Variants in C20orf141 observed in about 807,000 individuals in gnomAD.
C20orf141 encodes uncharacterized protein C20orf141.
C20orf141 carries 8 observed loss-of-function variants against 7.8 expected under a neutral mutation model. The observed-to-expected ratio is 1.03, with a 90% CI of 0.60 to 1.85. The LOEUF (loss-of-function observed/expected upper bound fraction) is 1.85. Among genes scored for constraint, C20orf141 ranks in the 40% most tolerant of loss-of-function variants. The probability of loss-of-function intolerance (pLI) is 0.00; values close to 1 mark genes in which losing one functional copy is unlikely to be tolerated. For missense variants in C20orf141, 220 were observed against 203.1 expected, an observed-to-expected ratio of 1.08 and a Z score of -0.51; for synonymous variants, 101 against 90.8, an observed-to-expected ratio of 1.11 and a Z score of -0.64.
chr20:2,815,482 C>A, intron 2 of C20orf141, 38 bp downstream of exon 2: 1 of 1,564,110 alleles, frequency 6.4e-7, no homozygotes, highest in Non-Finnish European at 8.7e-7. Context: ...GCATTGTAGG[C>A]GGGCGGGCCA....
rs547675503 is a variant in C20orf141 at position 2,815,650 on chromosome 20, T to G, written c.373T>G (p.Ser125Ala). Residue 125 changes from serine to alanine, a missense_variant, in exon 3 of 3, where the codon TCA becomes GCA. By Grantham distance (99) the Ser-to-Ala change is moderately conservative (BLOSUM62 1). Coordinates refer to ENST00000603872, the MANE Select transcript of C20orf141 (RefSeq NM_001256538.2). Reference sequence around the variant, plus strand: ...TCTACTCCTGCAAATGGGTACAGTCTCAGGACAACTTAGCCTCCAGGACGC... The same window carrying G: ...TCTACTCCTGCAAATGGGTACAGTCGCAGGACAACTTAGCCTCCAGGACGC... ...EALLLQMGTV[S>A]GQLSLQDALL... 3 of 1,614,068 alleles carry G rather than the reference T, an allele frequency of 1.9e-6. No homozygotes were observed. The South Asian group carries it at 3.3e-5, about 18-fold the overall frequency.
Position 2,815,779 on chromosome 20 carries a change from C to T in C20orf141, c.*4C>T. ...CTGCCTCCATCCTTGGGCCTGAGAG[C>T]CCCTCCCCACAACTCAGTGTCCTTC... On this transcript the variant is annotated 3_prime_UTR_variant, in exon 3 of 3. Transcript: ENST00000603872. 6.2e-7 allele frequency: 1 copy of T among 1,604,314 alleles called. No individual in the cohort carries two copies. Among genetic ancestry groups the T allele is most frequent in the Non-Finnish European group, 8.5e-7 (1 of 1,175,944 alleles).
In C20orf141 at chr20:2,815,442, T is replaced by C. The variant is rs1451327751; in HGVS notation, c.258T>C (p.His86=). The change falls in exon 2 of 3, where the codon CAT becomes CAC. Residue 86 remains histidine, a splice_region_variant and synonymous_variant. Transcript: ENST00000603872. ...GCTTCCTCACCTTTGACCTGCTCCA[T>C]AGGTAAGTGGGCAGCAGCCTGGCAG... ...LVSFLTFDLL[H]RPAGHTLPQR... is the part of the protein sequence containing the mutation. 4 of 1,563,196 alleles carry C rather than the reference T, an allele frequency of 2.6e-6. No individual in the cohort carries two copies. Among genetic ancestry groups the C allele is most frequent in the South Asian group, 1.2e-5 (1 of 82,334 alleles).
intron 1 of C20orf141, 46 bp downstream of exon 1, chr20:2,815,063 C>T (rs992311552): frequency 2.4e-6 from 3 of 1,264,608 alleles, no homozygotes; most frequent in African/African-American, 1.5e-5. Flanking sequence ...GGAGACTCTG[C>T]AGGAGCCTAA....
intron 1 of C20orf141, 38 bp from the exon 2 acceptor site, chr20:2,815,114 A>C: frequency 1.3e-6 from 2 of 1,570,406 alleles, no homozygotes; most frequent in Non-Finnish European, 1.7e-6. Context: ...CCCGGGCCCT[A>C]CCCCTTCCCC....
chr20:2,815,107 G>C, intron 1 of C20orf141, 45 bp from the exon 2 acceptor site: 1 of 1,554,872 alleles, frequency 6.4e-7, no homozygotes, highest in Non-Finnish European at 8.8e-7. Context: ...CTGTCTGCCC[G>C]GGCCCTACCC....
Position 2,814,991 on chromosome 20 carries a change from C to T in C20orf141, c.-60C>T. ...GTCACAATGCCCCGGGTGCCCACTC[C>T]CAGAATGCTGACCAAAGTGGGAGGA... On this transcript the variant is annotated 5_prime_UTR_variant, in exon 1 of 3. Transcript: ENST00000603872. 1 of 676,314 alleles carries T rather than the reference C, an allele frequency of 1.5e-6. No homozygotes were observed. 41.9% of individuals were successfully genotyped at this position (676,314 alleles called of 1,614,324 possible). A position where few individuals can be genotyped will look rare whatever the true frequency, so the allele number is the denominator to read the frequency against.
chr20:2,815,827 T>C lies in C20orf141; in HGVS notation c.*52T>C. 6.8e-7 allele frequency: 1 copy of C among 1,468,372 alleles called. No homozygotes were observed. The highest frequency in any genetic ancestry group is 9.3e-7 in the Non-Finnish European group (1 of 1,072,502). The allele number at this position is 1,468,372 out of a possible 1,614,324, so 91.0% of individuals were successfully genotyped here. On this transcript the variant is annotated 3_prime_UTR_variant, in exon 3 of 3. Coordinates refer to ENST00000603872, the MANE Select transcript of C20orf141 (RefSeq NM_001256538.2). ...TTCAAATATACAATGACCACCCTTC[T>C]TCATCAGGCCCCCTTTTCTCCTTCC...
intron 2 of C20orf141, 37 bp downstream of exon 2, chr20:2,815,481 G>A: frequency 6.4e-7 from 1 of 1,563,628 alleles, no homozygotes; most frequent in Non-Finnish European, 8.7e-7. Flanking sequence ...GGCATTGTAG[G>A]CGGGCGGGCC....
intron 1 of C20orf141, 67 bp downstream of exon 1, chr20:2,815,084 T>C: frequency 6.9e-7 from 1 of 1,452,530 alleles, no homozygotes; most frequent in Non-Finnish European, 9.5e-7. Context: ...TTCCCCACTC[T>C]GAGCTCACCC....
intron 1 of C20orf141, 63 bp from the exon 2 acceptor site, chr20:2,815,089 T>C: frequency 6.8e-7 from 1 of 1,478,472 alleles, no homozygotes; most frequent in East Asian, 2.3e-5. Flanking sequence ...CACTCTGAGC[T>C]CACCCTTCTG....
chr20:2,815,079 C>T (rs1051744777), intron 1 of C20orf141, 62 bp downstream of exon 1: 1 of 1,401,450 alleles, frequency 7.1e-7, no homozygotes, highest in Non-Finnish European at 9.8e-7. Context: ...CCTAATTCCC[C>T]ACTCTGAGCT....
At chr20:2,815,483 G>T (rs374559201) in intron 2 of C20orf141, 39 bp downstream of exon 2, 2 of 1,565,814 alleles carry the variant, frequency 1.3e-6, no homozygotes, top group East Asian at 4.5e-5. Context: ...CATTGTAGGC[G>T]GGCGGGCCAG....
intron 2 of C20orf141, 41 bp downstream of exon 2, chr20:2,815,485 G>A: frequency 6.4e-7 from 1 of 1,566,714 alleles, no homozygotes; most frequent in Non-Finnish European, 8.7e-7. Flanking sequence ...TTGTAGGCGG[G>A]CGGGCCAGTG....
At position 2,815,785 on chromosome 20, in the gene C20orf141, C is replaced by T; in HGVS notation, c.*10C>T. 2 of 1,600,380 alleles carry T rather than the reference C, an allele frequency of 1.2e-6. No homozygotes were observed. Among genetic ancestry groups the T allele is most frequent in the Non-Finnish European group, 1.7e-6 (2 of 1,173,086 alleles). ...CCATCCTTGGGCCTGAGAGCCCCTC[C>T]CCACAACTCAGTGTCCTTCAAATAT... On this transcript the variant is annotated 3_prime_UTR_variant, in exon 3 of 3. Transcript: ENST00000603872.
In C20orf141 at chr20:2,815,676, ACTG is replaced by A. The variant is rs1212376098; in HGVS notation, c.411_413del (p.Leu138del). 1 of 1,613,982 alleles carries A rather than the reference ACTG, an allele frequency of 6.2e-7. No individual in the cohort carries two copies. Among genetic ancestry groups the A allele is most frequent in the Non-Finnish European group, 8.5e-7 (1 of 1,179,968 alleles). On this transcript the variant is annotated inframe_deletion, in exon 3 of 3. Coordinates refer to ENST00000603872, the MANE Select transcript of C20orf141 (RefSeq NM_001256538.2). ...CAGGACAACTTAGCCTCCAGGACGC[ACTG>A]CTGCTGCTGCTCATGGGGCTGGGCC... is the stretch of plus-strand genomic sequence containing the variant.
Position 2,815,524 on chromosome 20 carries a change from C to CTA in C20orf141, c.261-13_261-12insAT, listed in dbSNP as rs1032909817. 12 of 1,599,276 alleles carry CTA rather than the reference C, an allele frequency of 7.5e-6. No individual in the cohort carries two copies. Among genetic ancestry groups the CTA allele is most frequent in the Non-Finnish European group, 9.4e-6 (11 of 1,171,116 alleles). Reference sequence around the variant, plus strand: ...AACTTCCCTAAGCCCAGTCACCACCCTCTCTCTCCACAGGCCCGCAGGTCA... The same window carrying CTA: ...AACTTCCCTAAGCCCAGTCACCACCCTATCTCTCTCCACAGGCCCGCAGGTCA... On this transcript the variant is annotated splice_polypyrimidine_tract_variant and intron_variant, in intron 2 of 2. Coordinates refer to ENST00000603872, the MANE Select transcript of C20orf141 (RefSeq NM_001256538.2).
At position 2,815,789 on chromosome 20, in the gene C20orf141, C is replaced by A; in HGVS notation, c.*14C>A. The A allele has an allele frequency of 6.3e-7, 1 of 1,595,782 alleles. No individual in the cohort carries two copies. Among genetic ancestry groups the A allele is most frequent in the Non-Finnish European group, 8.5e-7 (1 of 1,169,662 alleles). On this transcript the variant is annotated 3_prime_UTR_variant, in exon 3 of 3. Transcript: ENST00000603872. ...CCTTGGGCCTGAGAGCCCCTCCCCA[C>A]AACTCAGTGTCCTTCAAATATACAA...
At position 2,815,761 on chromosome 20, in the gene C20orf141, C is replaced by T. The variant is rs143521978; in HGVS notation, c.484C>T (p.His162Tyr). 1.8e-4 allele frequency: 289 copies of T among 1,611,212 alleles called. No individual in the cohort carries two copies. Among genetic ancestry groups the T allele is most frequent in the Middle Eastern group, 8.3e-4 (5 of 6,058 alleles). ...CCTGCTTGGCCTGGCTTTCTGCCTC[C>T]ATCCTTGGGCCTGAGAGCCCCTCCC... ...LTLLGLAFCL[H>Y]PWA is the part of the protein sequence containing the mutation. The change falls in exon 3 of 3, where the codon CAT becomes TAT. Residue 162 changes from histidine to tyrosine, a missense_variant. His to Tyr is a moderately conservative substitution (Grantham distance 83, BLOSUM62 2). Transcript: ENST00000603872.
Sources: allele counts gnomAD v4.1 joint callset, GRCh38; gene constraint gnomAD v4.1.1; transcripts MANE v1.5; gene names NCBI Gene and HGNC (gene_info 2026-07-23, HGNC 2026-07-21).